The following SP3 variants were observed in gnomAD, a reference collection of about 807,000 sequenced individuals.
SP3 encodes the protein transcription factor Sp3.
Under a neutral mutation model 70.3 loss-of-function variants are expected in SP3, and 10 were observed. The ratio of observed to expected loss-of-function variants is 0.14; its 90% CI spans 0.09 to 0.24. SP3 has a LOEUF of 0.24. Among genes scored for constraint, SP3 ranks in the 10% least tolerant of loss-of-function variants. The pLI, the probability that SP3 is intolerant of heterozygous loss-of-function variation, is 1.00. For synonymous variants in SP3, 402 were observed against 333.5 expected, an observed-to-expected ratio of 1.21 and a Z score of -2.24; for missense variants, 825 against 914.6, an observed-to-expected ratio of 0.90 and a Z score of 1.26.
intron 4 of SP3, among the ~76,000 whole-genome samples, chr2:173,939,585 G>C (rs1690300896): frequency 6.6e-6 from 1 of 151,906 alleles, no homozygotes; most frequent in Admixed American, 6.6e-5. Context: ...CCAACATGGT[G>C]AAACACTGTC....
Position 173,900,847 on chromosome 2 carries a change from A to T in SP3, c.*9094T>A, listed in dbSNP as rs190100720. Among the ~76,000 whole-genome samples, 1 of 152,368 alleles carries T rather than the reference A, an allele frequency of 6.6e-6. No individual in the cohort carries two copies. The highest frequency in any genetic ancestry group is 1.9e-4 in the East Asian group (1 of 5,192). On this transcript the variant is annotated 3_prime_UTR_variant, in exon 7 of 7. Transcript: ENST00000310015. ...ATTAATGGAGAGATACAGAATTATC[A>T]TGGATAGAAAGATAACATTCTTTCC...
chr2:173,936,755 T>G (rs1690220106), intron 4 of SP3, among the ~76,000 whole-genome samples: 1 of 152,188 alleles, frequency 6.6e-6, no homozygotes, highest in Non-Finnish European at 1.5e-5. Context: ...ATTAATATCT[T>G]ACGAACCATT....
Position 173,910,266 on chromosome 2 carries a change from A to G in SP3, c.2030-9T>C. 1 of 1,610,570 alleles carries G rather than the reference A, an allele frequency of 6.2e-7. No homozygotes were observed. Among genetic ancestry groups the G allele is most frequent in the Non-Finnish European group, 8.5e-7 (1 of 1,178,400 alleles). ...AACAAATTTCTTCTCACCTGTTAAGAAAAAAATTAAGTTACTTGGTTTTAA... is the reference window on the plus strand; with the variant it reads ...AACAAATTTCTTCTCACCTGTTAAGGAAAAAATTAAGTTACTTGGTTTTAA... On this transcript the variant is annotated splice_polypyrimidine_tract_variant and intron_variant, in intron 6 of 6. Coordinates refer to ENST00000310015, the MANE Select transcript of SP3 (RefSeq NM_003111.5).
intron 4 of SP3, among the ~76,000 whole-genome samples, chr2:173,946,884 G>GTT (rs1553517961): frequency 7.6e-6 from 1 of 131,346 alleles, no homozygotes; most frequent in South Asian, 3.0e-4. Context: ...ACCACGCCTG[G>GTT]CTTTTTTTTT....
chr2:173,962,974 G>C (rs1353027527), intron 3 of SP3: 1 of 152,166 alleles, frequency 6.6e-6, no homozygotes, highest in Non-Finnish European at 1.5e-5. Context: ...TATCTTACCT[G>C]ACTAGCAGTC....
At position 173,960,564 on chromosome 2, in the gene SP3, A is replaced by G. The variant is rs150466971; in HGVS notation, c.279+3197T>C. Among the ~76,000 whole-genome samples the G allele has an allele frequency of 3.8e-3, 572 of 152,350 alleles. 5 individuals are homozygous for G. The highest frequency in any genetic ancestry group is 0.013 in the African/African-American group (542 of 41,578). On this transcript the variant is annotated intron_variant, in intron 3 of 6. Transcript: ENST00000310015. ...GTCTTATTTTAAATAATGGCAAAAT[A>G]ACTTTTTTGAAGTAAGCTATTACTT...
At chr2:173,921,237 C>T (rs1689743754) in intron 4 of SP3, among the ~76,000 whole-genome samples, 1 of 152,114 alleles carries the variant, frequency 6.6e-6, no homozygotes, top group African/African-American at 2.4e-5. Context: ...ACTAAACCTT[C>T]CCCCATTTTT....
chr2:173,954,925 T>TATA lies in SP3; in HGVS notation c.1584_1586dup (p.Ile529dup). 1 of 1,614,190 alleles carries TATA rather than the reference T, an allele frequency of 6.2e-7. No homozygotes were observed. Among genetic ancestry groups the TATA allele is most frequent in the South Asian group, 1.1e-5 (1 of 91,082 alleles). ...GATGTAGCTGTATACCAGCAGAATC[T>TATA]ATAGAGTTCACTGTAACTGTTTGTA... is the stretch of plus-strand genomic sequence containing the variant. On this transcript the variant is annotated inframe_insertion, in exon 4 of 7. Coordinates refer to ENST00000310015, the MANE Select transcript of SP3 (RefSeq NM_003111.5).
chr2:173,963,780 G>GC lies in SP3; in HGVS notation c.259dup (p.Ala87GlyfsTer10). On this transcript the variant is annotated frameshift_variant, in exon 3 of 7. Transcript: ENST00000310015. LOFTEE classifies it high-confidence loss of function. ...ACTTACCGCTCCGGCGGCGGCGGGG[G>GC]CCCCGGCTGCGGCGGCCGCCTCCTC... 7.3e-7 allele frequency: 1 copy of GC among 1,363,882 alleles called. No individual in the cohort carries two copies. The highest frequency in any genetic ancestry group is 1.5e-5 in the South Asian group (1 of 68,054). The allele number at this position is 1,363,882 out of a possible 1,614,324, so 84.5% of individuals were successfully genotyped here. A position where few individuals can be genotyped will look rare whatever the true frequency, so the allele number is the denominator to read the frequency against.
chr2:173,906,970 T>A lies in SP3; in HGVS notation c.*2971A>T, dbSNP rs1375876195. 6.6e-6 allele frequency: 1 copy of A among 152,214 alleles called. No individual in the cohort carries two copies. The highest frequency in any genetic ancestry group is 1.5e-5 in the Non-Finnish European group (1 of 68,028). The allele number at this position is 152,214 out of a possible 1,614,324, so 9.4% of individuals were successfully genotyped here. On this transcript the variant is annotated 3_prime_UTR_variant, in exon 7 of 7. Transcript: ENST00000310015. The stretch of plus-strand genomic sequence containing the variant: ...GACATGCTTTCAGCTTATATGTATG[T>A]GTATTTTTAAGTATCTTAAGCATTG...
intron 4 of SP3, among the ~76,000 whole-genome samples, chr2:173,934,696 C>T (rs1224840581): frequency 2.0e-5 from 3 of 151,872 alleles, no homozygotes; most frequent in African/African-American, 7.3e-5. Context: ...GACCCCATCA[C>T]TATAAAACAT....
chr2:173,952,101 A>ATTT (rs546757353), intron 4 of SP3, among the ~76,000 whole-genome samples: 16,179 of 140,780 alleles, frequency 0.11, 1,150 homozygotes, highest in Middle Eastern at 0.18. Context: ...GGCTCACTTC[A>ATTT]TTTTTTTTTT....
intron 3 of SP3, among the ~76,000 whole-genome samples, chr2:173,956,718 T>G (rs144720183): frequency 1.3e-5 from 2 of 152,178 alleles, no homozygotes; most frequent in African/African-American, 4.8e-5. Flanking sequence ...AGTAAACTCA[T>G]GGCTAGGGCT....
At chr2:173,953,850 A>T (rs1443018621) in intron 4 of SP3, among the ~76,000 whole-genome samples, 1 of 152,196 alleles carries the variant, frequency 6.6e-6, no homozygotes, top group Non-Finnish European at 1.5e-5. Flanking sequence ...CTAAAAAAAA[A>T]TAATCACAGC....
intron 4 of SP3, among the ~76,000 whole-genome samples, chr2:173,922,530 G>C: frequency 6.6e-6 from 1 of 151,780 alleles, no homozygotes; most frequent in South Asian, 2.1e-4. Context: ...TAGGCATTGA[G>C]AGTCATCTGG....
chr2:173,910,926 A>G (rs1574394861), intron 6 of SP3, among the ~76,000 whole-genome samples: 1 of 152,224 alleles, frequency 6.6e-6, no homozygotes, highest in Non-Finnish European at 1.5e-5. Context: ...CTGAACTTCT[A>G]TTATGTTGAA....
intron 4 of SP3, among the ~76,000 whole-genome samples, chr2:173,931,372 C>T (rs1224182091): frequency 6.9e-6 from 1 of 145,562 alleles, no homozygotes; most frequent in African/African-American, 2.6e-5. Context: ...GAGATGGAGT[C>T]TCGCTCTGTT....
intron 4 of SP3, among the ~76,000 whole-genome samples, chr2:173,951,984 A>AG (rs1690722011): frequency 1.3e-5 from 2 of 152,206 alleles, no homozygotes; most frequent in African/African-American, 4.8e-5. Context: ...GAAGGTATCA[A>AG]GCTCATAATA....
In SP3 at chr2:173,913,213, C is replaced by T; in HGVS notation, c.1886G>A (p.Gly629Asp). Reference protein sequence around the residue: ...KQHICHIPGCGKVYGKTSHLR... With the variant: ...KQHICHIPGCDKVYGKTSHLR... ...ATGTGAGGTCTTCCCATAGACTTTA[C>T]CACATCCTGGTATATGACAAATGTG... The change falls in exon 6 of 7, where the codon GGT becomes GAT. Residue 629 changes from glycine to aspartate, a missense_variant. Physicochemically the swap from Gly to Asp is moderately conservative, Grantham distance 94. This residue lies in a region of SP3 where 19 missense variants were observed against 99.4 expected (regional missense o/e 0.19). Coordinates refer to ENST00000310015, the MANE Select transcript of SP3 (RefSeq NM_003111.5). 1 of 1,610,698 alleles carries T rather than the reference C, an allele frequency of 6.2e-7. No individual in the cohort carries two copies. The highest frequency in any genetic ancestry group is 8.5e-7 in the Non-Finnish European group (1 of 1,178,092).
Sources: allele counts gnomAD v4.1 joint callset (sites outside exome capture counted in the v4.1 genomes callset), GRCh38; gene constraint gnomAD v4.1.1; regional missense constraint gnomAD v4.1.1; transcripts MANE v1.5; gene names NCBI Gene and HGNC (gene_info 2026-07-23, HGNC 2026-07-21).